The following KIAA1217 variants were observed in gnomAD, a reference collection of about 807,000 sequenced individuals.
The protein encoded by KIAA1217 is KIAA1217, also known as sickle tail protein homolog.
In KIAA1217, 88 loss-of-function variants were observed where a neutral mutation model predicts 163.9. The observed-to-expected ratio is 0.54, with a 90% confidence interval of 0.45 to 0.64. KIAA1217 has a LOEUF of 0.64. Ranked by LOEUF, KIAA1217 falls within the 30% of genes least tolerant of loss-of-function variation. The pLI, the probability that KIAA1217 is intolerant of heterozygous loss-of-function variation, is 0.00. For missense variants in KIAA1217, 2,372 were observed against 2,475.0 expected, an observed-to-expected ratio of 0.96 and a Z score of 0.88; for synonymous variants, 903 against 923.1, an observed-to-expected ratio of 0.98 and a Z score of 0.39.
chr10:23,828,995 T>A (rs1838041054), intron 1 of KIAA1217, among the ~76,000 whole-genome samples: 1 of 152,200 alleles, frequency 6.6e-6, no homozygotes, highest in Admixed American at 6.6e-5. Flanking sequence ...AAAAAAGATA[T>A]TACCCTCTTA....
At chr10:23,879,334 A>C (rs534527763) in intron 1 of KIAA1217, among the ~76,000 whole-genome samples, 1 of 152,046 alleles carries the variant, frequency 6.6e-6, no homozygotes, top group Admixed American at 6.6e-5. Flanking sequence ...GATGAGAAAT[A>C]CTCTTAAGAC....
intron 2 of KIAA1217, among the ~76,000 whole-genome samples, chr10:24,008,505 ATAT>A (rs1233529175): frequency 6.6e-6 from 1 of 152,116 alleles, no homozygotes; most frequent in African/African-American, 2.4e-5. Context: ...CTGTAAAGTG[ATAT>A]TGTTGGTAGA....
rs897490068 is a variant in KIAA1217, at chr10:24,469,597, G to T, written c.847-3631G>T. Reference sequence around the variant, plus strand: ...TAGGACTGTTGTTCATACCAAGAGGGTTCTAGATATTATATTGATTGATTG... The same window carrying T: ...TAGGACTGTTGTTCATACCAAGAGGTTTCTAGATATTATATTGATTGATTG... On this transcript the variant is annotated intron_variant, in intron 5 of 20. Coordinates refer to ENST00000376454, the MANE Select transcript of KIAA1217 (RefSeq NM_019590.5). Among the ~76,000 whole-genome samples, 9 of 152,214 alleles carry T rather than the reference G, an allele frequency of 5.9e-5. 1 individual carries two copies. Among genetic ancestry groups the T allele is most frequent in the Admixed American group, 2.0e-4 (3 of 15,290 alleles).
chr10:24,421,010 TTTG>T (rs2058690811), intron 3 of KIAA1217, among the ~76,000 whole-genome samples: 9 of 151,882 alleles, frequency 5.9e-5, no homozygotes, highest in African/African-American at 1.7e-4. Context: ...TGTTTGTTTG[TTTG>T]TTTTGTTTTG....
chr10:23,766,594 CTTTTTTT>C (rs569633830), intron 1 of KIAA1217, among the ~76,000 whole-genome samples: 2 of 127,732 alleles, frequency 1.6e-5, no homozygotes, highest in African/African-American at 5.9e-5. Flanking sequence ...TTTCTTTTTT[CTTTTTTT>C]TTTTTGAGAC....
At chr10:23,881,389 T>G (rs1246319192) in intron 1 of KIAA1217, among the ~76,000 whole-genome samples, 1 of 151,970 alleles carries the variant, frequency 6.6e-6, no homozygotes. Context: ...GTTAATAAAT[T>G]ATCAATGACA....
chr10:23,887,362 A>C (rs1841225830), intron 1 of KIAA1217, among the ~76,000 whole-genome samples: 1 of 151,938 alleles, frequency 6.6e-6, no homozygotes, highest in Admixed American at 6.6e-5. Context: ...AGCCTTTGAA[A>C]TGTTTCCATT....
chr10:24,432,551 G>C (rs970955490), intron 3 of KIAA1217, among the ~76,000 whole-genome samples: 3 of 151,762 alleles, frequency 2.0e-5, no homozygotes, highest in African/African-American at 4.8e-5. Context: ...CAACTCTGAG[G>C]CTCAAGTGAT....
chr10:24,268,423 G>T (rs2131889496), intron 2 of KIAA1217, among the ~76,000 whole-genome samples: 1 of 151,892 alleles, frequency 6.6e-6, no homozygotes, highest in Non-Finnish European at 1.5e-5. Flanking sequence ...CTTCTCAAAA[G>T]AAGACATTTA....
intron 1 of KIAA1217, among the ~76,000 whole-genome samples, chr10:23,809,734 A>G (rs1836904124): frequency 6.6e-6 from 1 of 152,088 alleles, no homozygotes; most frequent in Non-Finnish European, 1.5e-5. Flanking sequence ...ACAATTAAAA[A>G]TAAATTTTAA....
At chr10:24,018,843 A>G (rs1253348689) in intron 2 of KIAA1217, among the ~76,000 whole-genome samples, 1 of 152,134 alleles carries the variant, frequency 6.6e-6, no homozygotes, top group Non-Finnish European at 1.5e-5. Flanking sequence ...ATGGCTAAAG[A>G]ATATATGGTA....
intron 1 of KIAA1217, among the ~76,000 whole-genome samples, chr10:23,811,297 G>A (rs1837037944): frequency 6.9e-6 from 1 of 145,026 alleles, no homozygotes; most frequent in Non-Finnish European, 1.5e-5. Flanking sequence ...AGCATATATA[G>A]TATGTGTATA....
intron 7 of KIAA1217, 178 bp from the exon 8 acceptor site, chr10:24,494,969 G>T (rs1356889650): frequency 1.7e-6 from 1 of 603,318 alleles, no homozygotes; most frequent in Non-Finnish European, 2.9e-6. Flanking sequence ...CCCAGTGTCA[G>T]GTGCACACCT....
chr10:24,374,501 A>G (rs1249450071), intron 2 of KIAA1217, among the ~76,000 whole-genome samples: 1 of 152,144 alleles, frequency 6.6e-6, no homozygotes, highest in African/African-American at 2.4e-5. Flanking sequence ...CTCTACCACC[A>G]TTTCTCTGAG....
intron 2 of KIAA1217, among the ~76,000 whole-genome samples, chr10:24,356,005 C>T (rs1271866223): frequency 2.0e-5 from 3 of 151,890 alleles, no homozygotes; most frequent in Admixed American, 2.0e-4. Flanking sequence ...CCTCGGCCTC[C>T]CAAAGTGCTG....
intron 1 of KIAA1217, among the ~76,000 whole-genome samples, chr10:23,862,530 G>A (rs1172516168): frequency 2.0e-5 from 3 of 152,038 alleles, no homozygotes; most frequent in Non-Finnish European, 4.4e-5. Flanking sequence ...TCTCTCAGGA[G>A]TTATATTTTC....
At chr10:23,995,623 C>G (rs571884013) in intron 1 of KIAA1217, among the ~76,000 whole-genome samples, 7 of 152,162 alleles carry the variant, frequency 4.6e-5, no homozygotes, top group Admixed American at 4.6e-4. Flanking sequence ...ATGTAAGATA[C>G]CCGGGAATAG....
At chr10:24,007,724 A>G (rs1847062451) in intron 2 of KIAA1217, among the ~76,000 whole-genome samples, 1 of 152,204 alleles carries the variant, frequency 6.6e-6, no homozygotes, top group South Asian at 2.1e-4. Context: ...CTCAGAGAAC[A>G]TGAACTTTTT....
In KIAA1217 at chr10:24,077,249, G is replaced by A. The variant is rs185345129; in HGVS notation, c.-171+69875G>A. Reference sequence around the variant, plus strand: ...CAGGTTTGTTACCAGGTAAAGGTGTGCCATGGTGATTAGCTGCACAGATCA... The same window carrying A: ...CAGGTTTGTTACCAGGTAAAGGTGTACCATGGTGATTAGCTGCACAGATCA... On this transcript the variant is annotated intron_variant, in intron 2 of 18. Transcript: ENST00000376462. Among the ~76,000 whole-genome samples the A allele has an allele frequency of 4.6e-3, 703 of 152,154 alleles. 5 individuals carry two copies. Among genetic ancestry groups the A allele is most frequent in the Non-Finnish European group, 6.9e-3 (469 of 68,002 alleles).
Sources: allele counts gnomAD v4.1 joint callset (sites outside exome capture counted in the v4.1 genomes callset), GRCh38; gene constraint gnomAD v4.1.1; transcripts MANE v1.5; gene names NCBI Gene and HGNC (gene_info 2026-07-23, HGNC 2026-07-21).